ADGRV1: variants seen among roughly 807,000 people sequenced by gnomAD.
The protein encoded by ADGRV1 is G-protein coupled receptor 98.
In ADGRV1, 359 loss-of-function variants were observed where a neutral mutation model predicts 596.2. The observed-to-expected ratio is 0.60, with a 90% CI of 0.55 to 0.66. The LOEUF (loss-of-function observed/expected upper bound fraction) is 0.66, where lower values mean the gene tolerates loss of function less well. Among genes scored for constraint, ADGRV1 ranks in the 30% least tolerant of loss-of-function variants. The pLI is 0.00. For synonymous variants in ADGRV1, 2,681 were observed against 2,679.2 expected (o/e 1.00, Z -0.02); for missense variants, 7,274 against 7,575.6 (o/e 0.96, Z 1.48).
chr5:90,968,595 AAGTC>A, intron 84 of ADGRV1, among the ~76,000 whole-genome samples: 1 of 152,326 alleles, frequency 6.6e-6, no homozygotes, highest in East Asian at 1.9e-4. Flanking sequence ...ACAAGGGAAA[AAGTC>A]AGTCAGTTCT....
At chr5:90,849,008 T>C (rs1476910052) in intron 79 of ADGRV1, among the ~76,000 whole-genome samples, 187 bp downstream of exon 79, 2 of 152,164 alleles carry the variant, frequency 1.3e-5, no homozygotes, top group Non-Finnish European at 2.9e-5. Flanking sequence ...AAAAAATAAA[T>C]GTATACTGTC....
intron 8 of ADGRV1, 39 bp from the exon 9 acceptor site, chr5:90,629,171 G>A (rs1765176200): frequency 4.2e-6 from 5 of 1,185,726 alleles, no homozygotes; most frequent in Middle Eastern, 2.1e-4. Context: ...TCTCAGATGC[G>A]AGAATTCTGT....
intron 64 of ADGRV1, chr5:90,779,837 A>T (rs1758648719): frequency 6.6e-6 from 1 of 152,166 alleles, no homozygotes; most frequent in South Asian, 2.1e-4. Context: ...TCATAAAGAC[A>T]TTTTTCTTGT....
At chr5:90,592,313 A>G (rs1561342471) in intron 1 of ADGRV1, among the ~76,000 whole-genome samples, 1 of 152,216 alleles carries the variant, frequency 6.6e-6, no homozygotes, top group Non-Finnish European at 1.5e-5. Flanking sequence ...CATTTGCAGC[A>G]ACCTGGATGG....
intron 83 of ADGRV1, among the ~76,000 whole-genome samples, chr5:90,944,490 T>C (rs905261599): frequency 5.3e-5 from 8 of 152,184 alleles, no homozygotes; most frequent in African/African-American, 1.7e-4. Flanking sequence ...ATAACCAAGG[T>C]TGTATATTCT....
chr5:91,100,490 C>A (rs1791280827), intron 86 of ADGRV1, among the ~76,000 whole-genome samples: 1 of 148,894 alleles, frequency 6.7e-6, no homozygotes, highest in South Asian at 2.1e-4. Context: ...AAGAAGGAAG[C>A]AGGGAGGGAG....
chr5:90,807,964 G>A (rs967219963), intron 73 of ADGRV1, among the ~76,000 whole-genome samples: 3 of 152,176 alleles, frequency 2.0e-5, no homozygotes, highest in Non-Finnish European at 4.4e-5. Flanking sequence ...CCTTGAGAAT[G>A]GGGTCTGGGG....
In ADGRV1 at chr5:90,703,706, C is replaced by A; in HGVS notation, c.8197C>A (p.Arg2733=). 1 of 1,604,582 alleles carries A rather than the reference C, an allele frequency of 6.2e-7. No individual in the cohort carries two copies. Among genetic ancestry groups the A allele is most frequent in the South Asian group, 1.1e-5 (1 of 89,586 alleles). The change falls in exon 35 of 90, where the codon CGA becomes AGA. Residue 2733 remains arginine, a synonymous_variant. Coordinates refer to ENST00000405460, the MANE Select transcript of ADGRV1 (RefSeq NM_032119.4). ...CCATGTGATAAGAACTTTCCCTGGT[C>A]GAGGAAATGTTACTGTTAACTGGAA... ...QFHVIRTFPG[R]GNVTVNWKII...
At chr5:90,998,959 A>G (rs1781639773) in intron 85 of ADGRV1, among the ~76,000 whole-genome samples, 1 of 151,940 alleles carries the variant, frequency 6.6e-6, no homozygotes, top group African/African-American at 2.4e-5. Flanking sequence ...TTCTTATACA[A>G]CCCTGTGAGT....
At chr5:90,666,247 C>G (rs1055188388) in intron 21 of ADGRV1, among the ~76,000 whole-genome samples, 1 of 152,038 alleles carries the variant, frequency 6.6e-6, no homozygotes, top group East Asian at 1.9e-4. Flanking sequence ...GTGTGGGAGT[C>G]TAAGTCTCTT....
intron 87 of ADGRV1, among the ~76,000 whole-genome samples, chr5:91,110,096 A>T (rs931333485): frequency 6.6e-6 from 1 of 152,114 alleles, no homozygotes; most frequent in African/African-American, 2.4e-5. Flanking sequence ...AATATTTTTT[A>T]TTTTCCCGTT....
intron 17 of ADGRV1, among the ~76,000 whole-genome samples, chr5:90,650,041 A>T (rs1413383383): frequency 6.6e-6 from 1 of 150,690 alleles, no homozygotes; most frequent in Non-Finnish European, 1.5e-5. Flanking sequence ...AAATCTCTAG[A>T]GCTTGTGATT....
At chr5:90,973,620 A>G (rs776182352) in intron 84 of ADGRV1, among the ~76,000 whole-genome samples, 5 of 152,340 alleles carry the variant, frequency 3.3e-5, no homozygotes, top group Non-Finnish European at 7.3e-5. Context: ...ATCTCAACAG[A>G]TGCAGAAAAG....
chr5:91,034,899 C>T (rs930734945), intron 85 of ADGRV1, among the ~76,000 whole-genome samples: 1 of 152,150 alleles, frequency 6.6e-6, no homozygotes, highest in Admixed American at 6.5e-5. Context: ...GGTCCTCCCC[C>T]TTCAGCCTTC....
chr5:91,057,196 T>C (rs1318566202), intron 85 of ADGRV1, among the ~76,000 whole-genome samples: 2 of 152,198 alleles, frequency 1.3e-5, no homozygotes, highest in African/African-American at 4.8e-5. Flanking sequence ...CCTTCCCAAA[T>C]GGGATGGATA....
rs560302704 is a variant in ADGRV1 at position 90,778,617 on chromosome 5, A to G, written c.12849+8A>G. On this transcript the variant is annotated splice_region_variant and intron_variant, in intron 63 of 89. Coordinates refer to ENST00000405460, the MANE Select transcript of ADGRV1 (RefSeq NM_032119.4). ...GTGTCAGAAGCACAGAGGGTATAGT[A>G]TGAAATGCTTAAGATTTTAATATCA... 9 of 1,533,488 alleles carry G rather than the reference A, an allele frequency of 5.9e-6. No homozygotes were observed. Among genetic ancestry groups the G allele is most frequent in the African/African-American group, 2.8e-5 (2 of 71,708 alleles). 95.0% of individuals were successfully genotyped at this position (1,533,488 alleles called of 1,614,324 possible). A position where few individuals can be genotyped will look rare whatever the true frequency, so the allele number is the denominator to read the frequency against.
Position 90,767,951 on chromosome 5 carries a change from G to A in ADGRV1, c.12285+4482G>A, listed in dbSNP as rs1757318316. On this transcript the variant is annotated intron_variant, in intron 59 of 89. Coordinates refer to ENST00000405460, the MANE Select transcript of ADGRV1 (RefSeq NM_032119.4). ...TGATGACTCATGAAACATCTAGGTT[G>A]TGTGCCCTAGCCATGATCTGAAAAC... is the stretch of plus-strand genomic sequence containing the variant. Among the ~76,000 whole-genome samples the A allele has an allele frequency of 1.3e-5, 2 of 152,292 alleles. 1 individual carries two copies. Among genetic ancestry groups the A allele is most frequent in the South Asian group, 4.1e-4 (2 of 4,828 alleles).
chr5:90,598,399 T>C (rs1431813108), intron 1 of ADGRV1, among the ~76,000 whole-genome samples: 1 of 152,250 alleles, frequency 6.6e-6, no homozygotes, highest in Non-Finnish European at 1.5e-5. Flanking sequence ...CGCTAAGCCC[T>C]GTAGCCAGGG....
At chr5:90,941,634 T>C (rs1281382167) in intron 83 of ADGRV1, among the ~76,000 whole-genome samples, 4 of 152,162 alleles carry the variant, frequency 2.6e-5, no homozygotes, top group African/African-American at 9.7e-5. Context: ...CTGGGAGAAA[T>C]GTTTAACACA....
Sources: gnomAD v4.1 joint callset for allele counts (sites outside exome capture counted in the v4.1 genomes callset) on GRCh38, gnomAD v4.1.1 for gene constraint, MANE v1.5 for transcripts, NCBI Gene and HGNC (gene_info 2026-07-23, HGNC 2026-07-21) for gene names.